The following TMEM117 variants were observed in gnomAD, a reference collection of about 807,000 sequenced individuals.
TMEM117 encodes transmembrane protein 117.
A neutral mutation model predicts 52.4 loss-of-function variants in TMEM117; 27 were observed. That is an observed-to-expected ratio of 0.51 (90% CI 0.38 to 0.71). The LOEUF (loss-of-function observed/expected upper bound fraction) is 0.71. Among genes scored for constraint, TMEM117 ranks in the 30% least tolerant of loss-of-function variants. The pLI is 0.00. For missense variants in TMEM117, 556 were observed against 630.5 expected, an observed-to-expected ratio of 0.88 and a Z score of 1.26; for synonymous variants, 215 against 206.3, an observed-to-expected ratio of 1.04 and a Z score of -0.36.
chr12:44,082,896 G>T lies in TMEM117; in HGVS notation c.411-60629G>T, dbSNP rs185424107. Among the ~76,000 whole-genome samples the T allele has an allele frequency of 1.3e-4, 20 of 151,898 alleles. 1 individual carries two copies. Among genetic ancestry groups the T allele is most frequent in the Admixed American group, 1.2e-3 (18 of 15,228 alleles). ...TCATATGTATATATGTATATGTGTG[G>T]GTGTATGTGTGTGTATGTGTATATA... On this transcript the variant is annotated intron_variant, in intron 3 of 7. Transcript: ENST00000266534.
chr12:44,323,725 T>C (rs1951162251), intron 6 of TMEM117, among the ~76,000 whole-genome samples: 1 of 152,166 alleles, frequency 6.6e-6, no homozygotes, highest in African/African-American at 2.4e-5. Context: ...TGTAACAAAC[T>C]TTAAGAATAG....
chr12:43,911,300 A>C (rs1944495945), intron 2 of TMEM117, among the ~76,000 whole-genome samples: 1 of 71,034 alleles, frequency 1.4e-5, no homozygotes, highest in African/African-American at 3.1e-5. Context: ...CATATGTAGA[A>C]AGCTGAAACT....
intron 7 of TMEM117, among the ~76,000 whole-genome samples, chr12:44,381,627 C>A (rs796874430): frequency 7.9e-5 from 12 of 152,184 alleles, no homozygotes; most frequent in African/African-American, 2.6e-4. Context: ...CCACGGGAAC[C>A]CTTTTGGCAA....
At chr12:44,194,814 A>G (rs1949397207) in intron 4 of TMEM117, among the ~76,000 whole-genome samples, 1 of 152,200 alleles carries the variant, frequency 6.6e-6, no homozygotes, top group Non-Finnish European at 1.5e-5. Context: ...TGGGTGACAG[A>G]GGAAGACCCT....
chr12:44,285,640 T>G (rs1205658241), intron 5 of TMEM117, among the ~76,000 whole-genome samples: 1 of 152,234 alleles, frequency 6.6e-6, no homozygotes, highest in Admixed American at 6.5e-5. Context: ...CCTCATCAGC[T>G]GGGCTTCAGG....
At chr12:43,916,363 C>T (rs1944602846) in intron 2 of TMEM117, among the ~76,000 whole-genome samples, 1 of 152,150 alleles carries the variant, frequency 6.6e-6, no homozygotes, top group African/African-American at 2.4e-5. Flanking sequence ...AGTAATCTGT[C>T]ATCTAGAGAA....
intron 3 of TMEM117, among the ~76,000 whole-genome samples, chr12:43,954,585 A>C (rs574470360): frequency 9.8e-5 from 15 of 152,334 alleles, no homozygotes; most frequent in African/African-American, 3.6e-4. Context: ...AACCCTCCTA[A>C]GACTGAACCC....
At chr12:43,930,466 A>G (rs778647604) in intron 2 of TMEM117, among the ~76,000 whole-genome samples, 26 of 152,174 alleles carry the variant, frequency 1.7e-4, no homozygotes, top group Non-Finnish European at 2.8e-4. Context: ...ACAGTTTTCC[A>G]TATGGTCCCT....
At chr12:44,022,344 T>G (rs762832798) in intron 3 of TMEM117, among the ~76,000 whole-genome samples, 11 of 152,182 alleles carry the variant, frequency 7.2e-5, no homozygotes, top group Non-Finnish European at 1.0e-4. Flanking sequence ...TAAAACAGTG[T>G]AATTAAGAGA....
intron 4 of TMEM117, among the ~76,000 whole-genome samples, chr12:44,155,281 G>A (rs1948810949): frequency 6.6e-6 from 1 of 151,990 alleles, no homozygotes; most frequent in South Asian, 2.1e-4. Flanking sequence ...CACATGTAAA[G>A]TCATAACAAA....
chr12:44,211,026 A>C (rs1387227750), intron 4 of TMEM117, among the ~76,000 whole-genome samples: 1 of 152,146 alleles, frequency 6.6e-6, no homozygotes, highest in Non-Finnish European at 1.5e-5. Flanking sequence ...GTACTGTCTT[A>C]TATCCGGTAA....
At chr12:43,892,350 G>C (rs1407831482) in intron 2 of TMEM117, among the ~76,000 whole-genome samples, 1 of 152,158 alleles carries the variant, frequency 6.6e-6, no homozygotes, top group Non-Finnish European at 1.5e-5. Context: ...CATTGGCCAG[G>C]GTTCTTATTG....
At chr12:44,119,569 A>T (rs764166399) in intron 3 of TMEM117, among the ~76,000 whole-genome samples, 1 of 151,920 alleles carries the variant, frequency 6.6e-6, no homozygotes, top group Non-Finnish European at 1.5e-5. Flanking sequence ...CATGATTCTT[A>T]TTGCAGTTGT....
intron 5 of TMEM117, among the ~76,000 whole-genome samples, chr12:44,264,905 C>T (rs1565651769): frequency 6.6e-6 from 1 of 152,096 alleles, no homozygotes; most frequent in Non-Finnish European, 1.5e-5. Flanking sequence ...TTCACAACAA[C>T]CTTATGAATT....
intron 4 of TMEM117, among the ~76,000 whole-genome samples, chr12:44,195,168 T>C (rs1001116699): frequency 1.3e-5 from 2 of 152,210 alleles, no homozygotes; most frequent in African/African-American, 4.8e-5. Flanking sequence ...CTTGGCTCTT[T>C]CCTGGAGGAG....
intron 4 of TMEM117, among the ~76,000 whole-genome samples, chr12:44,176,662 C>T (rs956730814): frequency 6.6e-6 from 1 of 152,092 alleles, no homozygotes; most frequent in African/African-American, 2.4e-5. Context: ...GCTTTCAGCT[C>T]TCAATTAAGC....
At chr12:43,982,313 A>G (rs1945773629) in intron 3 of TMEM117, among the ~76,000 whole-genome samples, 1 of 152,128 alleles carries the variant, frequency 6.6e-6, no homozygotes, top group African/African-American at 2.4e-5. Flanking sequence ...GTGAATCTGA[A>G]TAAGGGAAAT....
intron 4 of TMEM117, among the ~76,000 whole-genome samples, chr12:44,152,353 T>G (rs1948749360): frequency 8.9e-6 from 1 of 111,754 alleles, no homozygotes; most frequent in Non-Finnish European, 1.6e-5. Context: ...AATTTATATA[T>G]TTATATGTAT....
At chr12:44,387,491 T>G (rs968092439) in intron 7 of TMEM117, among the ~76,000 whole-genome samples, 4 of 152,092 alleles carry the variant, frequency 2.6e-5, no homozygotes, top group Admixed American at 2.6e-4. Flanking sequence ...TGCTCAAGGA[T>G]TATTGATCTG....
Sources: gnomAD v4.1 joint callset for allele counts (sites outside exome capture counted in the v4.1 genomes callset) on GRCh38, gnomAD v4.1.1 for gene constraint, MANE v1.5 for transcripts, NCBI Gene and HGNC (gene_info 2026-07-23, HGNC 2026-07-21) for gene names.